Variants in CEP95 observed in about 807,000 individuals in gnomAD.
CEP95 encodes centrosomal protein 95.
In CEP95, 98 loss-of-function variants were observed where a neutral mutation model predicts 111.2. The observed-to-expected ratio is 0.88, with a 90% CI of 0.75 to 1.04. CEP95 has a LOEUF of 1.04. Ranked by LOEUF, CEP95 falls within the 50% of genes least tolerant of loss-of-function variation. The pLI is 0.00. For missense variants in CEP95, 1,027 were observed against 977.2 expected, an observed-to-expected ratio of 1.05 and a Z score of -0.68; for synonymous variants, 323 against 327.1, an observed-to-expected ratio of 0.99 and a Z score of 0.14.
intron 2 of CEP95, 31 bp from the exon 3 acceptor site, chr17:64,510,140 GAT>G: frequency 7.6e-7 from 1 of 1,318,896 alleles, no homozygotes; most frequent in Non-Finnish European, 1.1e-6. Flanking sequence ...GCCTCTCATG[GAT>G]ACAAAATTAT....
intron 1 of CEP95, chr17:64,507,653 C>T: frequency 1.0e-6 from 1 of 987,802 alleles, no homozygotes; most frequent in Non-Finnish European, 1.2e-6. Context: ...TTGTCTAGGA[C>T]GCTTTCATCC....
chr17:64,532,199 A>T, intron 14 of CEP95, 177 bp downstream of exon 14: 1 of 1,287,400 alleles, frequency 7.8e-7, no homozygotes, highest in African/African-American at 1.5e-5. Flanking sequence ...CTCTTCAATA[A>T]GGAAGTACTT....
At chr17:64,532,708 A>T (rs74904532) in intron 14 of CEP95, 131 bp from the exon 15 acceptor site, 3 of 1,450,300 alleles carry the variant, frequency 2.1e-6, no homozygotes, top group Non-Finnish European at 2.7e-6. Flanking sequence ...GCAAATTATT[A>T]TAAGTACATT....
intron 19 of CEP95, chr17:64,537,318 C>T (rs1968726934): frequency 1.4e-6 from 2 of 1,401,686 alleles, no homozygotes; most frequent in Admixed American, 3.2e-5. Context: ...AACATATCTC[C>T]ATCATTAAGT....
chr17:64,517,909 G>A (rs932092641), intron 5 of CEP95, among the ~76,000 whole-genome samples: 3 of 151,756 alleles, frequency 2.0e-5, no homozygotes, highest in Admixed American at 2.0e-4. Context: ...CAGTCTTGCT[G>A]TGTCACACAG....
intron 5 of CEP95, among the ~76,000 whole-genome samples, chr17:64,518,744 A>ACG (rs1967075626): frequency 6.6e-6 from 1 of 151,830 alleles, no homozygotes; most frequent in Non-Finnish European, 1.5e-5. Context: ...GCAGTGGTGC[A>ACG]ATCTCGGCTC....
intron 5 of CEP95, among the ~76,000 whole-genome samples, chr17:64,517,366 T>C (rs1555676608): frequency 6.6e-6 from 1 of 152,024 alleles, no homozygotes; most frequent in Non-Finnish European, 1.5e-5. Flanking sequence ...CTCTTAATCA[T>C]CAAAGTACGT....
At chr17:64,516,943 A>C (rs1966903707) in intron 5 of CEP95, 115 bp downstream of exon 5, 2 of 586,706 alleles carry the variant, frequency 3.4e-6, no homozygotes, top group Non-Finnish European at 5.9e-6. Flanking sequence ...TGAAACTTCT[A>C]CTAACTTCTC....
chr17:64,510,478 A>G (rs377758451), intron 3 of CEP95, among the ~76,000 whole-genome samples, 198 bp downstream of exon 3: 8 of 152,312 alleles, frequency 5.3e-5, no homozygotes, highest in East Asian at 1.9e-4. Context: ...TGATTTTGCA[A>G]TTGATCTGGG....
In CEP95 at chr17:64,527,190, A is replaced by G. The variant is rs1479658846; in HGVS notation, c.1232A>G (p.Glu411Gly). The G allele has an allele frequency of 6.8e-6, 11 of 1,613,652 alleles. No individual in the cohort carries two copies. The highest frequency in any genetic ancestry group is 1.7e-6 in the Non-Finnish European group (2 of 1,179,722). The stretch of plus-strand genomic sequence containing the variant: ...GAAAATACTGGAAATGAGGAGGTAG[A>G]GGATGGAACTGAGGAGACACTGTCT... ...KEENTGNEEV[E>G]DGTEETLSQH... Residue 411 changes from glutamate (E) to glycine (G), a missense_variant, in exon 11 of 20, where the codon GAG becomes GGG. Glu to Gly is a moderately conservative substitution (Grantham distance 98, BLOSUM62 -2). Coordinates refer to ENST00000556440, the MANE Select transcript of CEP95 (RefSeq NM_138363.3).
At chr17:64,521,561 G>A in intron 7 of CEP95, 34 bp downstream of exon 7, 3 of 1,593,026 alleles carry the variant, frequency 1.9e-6, no homozygotes, top group Non-Finnish European at 2.6e-6. Context: ...CTTTACTGCT[G>A]ATGATCATTC....
chr17:64,512,496 T>G (rs2038949225), intron 3 of CEP95, among the ~76,000 whole-genome samples: 1 of 152,222 alleles, frequency 6.6e-6, no homozygotes, highest in Non-Finnish European at 1.5e-5. Context: ...TGTATTTCAT[T>G]TATGTTTAGA....
chr17:64,525,490 G>A (rs1400810842), intron 8 of CEP95, among the ~76,000 whole-genome samples: 2 of 152,180 alleles, frequency 1.3e-5, no homozygotes, highest in African/African-American at 4.8e-5. Flanking sequence ...CTCAGGTATA[G>A]TGGTAATCCC....
chr17:64,509,609 G>A (rs994212536), intron 2 of CEP95, among the ~76,000 whole-genome samples: 3 of 152,192 alleles, frequency 2.0e-5, no homozygotes, highest in South Asian at 2.1e-4. Flanking sequence ...TGCTTGAGCC[G>A]GGAAAGTGGA....
Position 64,508,630 on chromosome 17 carries a change from C to T in CEP95, c.58C>T (p.His20Tyr), listed in dbSNP as rs1255446253. The T allele has an allele frequency of 3.4e-6, 5 of 1,451,400 alleles. No individual in the cohort carries two copies. The highest frequency in any genetic ancestry group is 4.6e-6 in the Non-Finnish European group (5 of 1,092,806). The allele number at this position is 1,451,400 out of a possible 1,614,324, so 89.9% of individuals were successfully genotyped here. A position where few individuals can be genotyped will look rare whatever the true frequency, so the allele number is the denominator to read the frequency against. Residue 20 changes from histidine to tyrosine, a missense_variant, in exon 2 of 20, where the codon CAT becomes TAT. Transcript: ENST00000556440. ...TIANNLLFKC[H>Y]IHLRIHELQD... The stretch of plus-strand genomic sequence containing the variant: ...TGCCAATAACCTTCTTTTTAAGTGT[C>T]ATATACATCTGAGAATACATGAACT...
chr17:64,537,776 A>T lies in CEP95; in HGVS notation c.2463A>T (p.Leu821=). 3.8e-6 allele frequency: 6 copies of T among 1,584,874 alleles called. No homozygotes were observed. The highest frequency in any genetic ancestry group is 5.2e-6 in the Non-Finnish European group (6 of 1,164,216). ...TTCAGTACAGTAAAAGTCCCTCCCTATGAGGCCAGACTTGATAATAGTAGG... is the reference window on the plus strand; with the variant it reads ...TTCAGTACAGTAAAAGTCCCTCCCTTTGAGGCCAGACTTGATAATAGTAGG... ...ASFQYSKSPS[L] The change falls in exon 20 of 20, where the codon CTA becomes CTT. Residue 821 remains leucine, a synonymous_variant. Coordinates refer to ENST00000556440, the MANE Select transcript of CEP95 (RefSeq NM_138363.3).
intron 12 of CEP95, 79 bp from the exon 13 acceptor site, chr17:64,530,847 T>C (rs910984557): frequency 1.5e-5 from 11 of 737,452 alleles, no homozygotes; most frequent in Non-Finnish European, 2.4e-5. Flanking sequence ...ACTAGACAGG[T>C]GCTTTAACCA....
Position 64,529,320 on chromosome 17 carries a change from TC to T in CEP95, c.1342del (p.His448IlefsTer45). On this transcript the variant is annotated frameshift_variant, in exon 12 of 20. Coordinates refer to ENST00000556440, the MANE Select transcript of CEP95 (RefSeq NM_138363.3). LOFTEE classifies it high-confidence loss of function. ...CATGCGTAGAAAGCCACCCTACAGATCCCATTCGCTCTCTCCATCTCCAGTT... is the reference window on the plus strand; with the variant it reads ...CATGCGTAGAAAGCCACCCTACAGATCCATTCGCTCTCTCCATCTCCAGTT... Reference protein sequence around the residue: ...LSMRRKPPYRSHSLSPSPVNK... With the variant: ...LSMRRKPPYRXHSLSPSPVNK... The T allele has an allele frequency of 6.2e-7, 1 of 1,613,788 alleles. No homozygotes were observed. Among genetic ancestry groups the T allele is most frequent in the Non-Finnish European group, 8.5e-7 (1 of 1,179,802 alleles).
intron 5 of CEP95, 149 bp downstream of exon 5, chr17:64,516,977 G>C (rs1042033856): frequency 3.6e-6 from 2 of 551,602 alleles, no homozygotes; most frequent in African/African-American, 1.9e-5. Flanking sequence ...TCCTGAGGGA[G>C]TTTTAAGAAC....
Sources: allele counts gnomAD v4.1 joint callset (sites outside exome capture counted in the v4.1 genomes callset), GRCh38; gene constraint gnomAD v4.1.1; transcripts MANE v1.5; gene names NCBI Gene and HGNC (gene_info 2026-07-23, HGNC 2026-07-21).